Variants in DNAI4 observed in about 807,000 individuals in gnomAD.
DNAI4 encodes WD repeat domain 78.
In DNAI4, 85 loss-of-function variants were observed where a neutral mutation model predicts 105.8. That is an observed-to-expected ratio of 0.80 (90% CI 0.67 to 0.96). The LOEUF (loss-of-function observed/expected upper bound fraction) is 0.96. Ranked by LOEUF, DNAI4 falls within the 40% of genes least tolerant of loss-of-function variation. DNAI4 has a pLI of 0.00. For synonymous variants in DNAI4, 352 were observed against 331.5 expected, an observed-to-expected ratio of 1.06 and a Z score of -0.67; for missense variants, 1,014 against 1,005.6, an observed-to-expected ratio of 1.01 and a Z score of -0.11.
intron 8 of DNAI4, among the ~76,000 whole-genome samples, chr1:66,841,363 A>G (rs77982810): frequency 0.022 from 3,279 of 152,212 alleles, 104 homozygotes; most frequent in African/African-American, 0.075. Context: ...CATTGCTGGA[A>G]AAAAAAGCAT....
intron 8 of DNAI4, among the ~76,000 whole-genome samples, chr1:66,845,628 G>A (rs1418105318): frequency 6.6e-6 from 1 of 151,984 alleles, no homozygotes. Context: ...GTGTGTGAAT[G>A]GACAAACAAA....
At chr1:66,855,842 T>C (rs1569581457) in intron 7 of DNAI4, among the ~76,000 whole-genome samples, 1 of 152,080 alleles carries the variant, frequency 6.6e-6, no homozygotes, top group Non-Finnish European at 1.5e-5. Flanking sequence ...CAGTTGTTGT[T>C]GTTGTTTTGA....
chr1:66,914,427 C>T (rs1191345631), intron 1 of DNAI4, among the ~76,000 whole-genome samples: 1 of 152,112 alleles, frequency 6.6e-6, no homozygotes, highest in African/African-American at 2.4e-5. Flanking sequence ...TTGTATTTAT[C>T]TCGTGGCTAA....
intron 1 of DNAI4, among the ~76,000 whole-genome samples, chr1:66,919,547 T>C (rs1436145417): frequency 6.6e-6 from 1 of 152,180 alleles, no homozygotes. Context: ...ATTCTGGGGA[T>C]CCCATGGGGG....
chr1:66,924,761 A>G lies in DNAI4; in HGVS notation c.71T>C (p.Phe24Ser). Residue 24 changes from phenylalanine to serine, a missense_variant, in exon 1 of 17, where the codon TTC becomes TCC. Physicochemically the swap from Phe to Ser is radical, Grantham distance 155 (BLOSUM62 -2). Transcript: ENST00000371026. The part of the protein sequence containing the change: ...ANGGAWGYRD[F>S]RGGQKKGWCT... ...CCACCCCTTTTTTTGGCCGCCTCTGAAGTCCCTGTACCCCCAAGCTCCTCC... is the reference window on the plus strand; with the variant it reads ...CCACCCCTTTTTTTGGCCGCCTCTGGAGTCCCTGTACCCCCAAGCTCCTCC... 6.2e-7 allele frequency: 1 copy of G among 1,614,138 alleles called. No homozygotes were observed. Among genetic ancestry groups the G allele is most frequent in the Non-Finnish European group, 8.5e-7 (1 of 1,180,010 alleles).
chr1:66,902,279 T>C (rs751491178), intron 2 of DNAI4, among the ~76,000 whole-genome samples: 10 of 152,192 alleles, frequency 6.6e-5, no homozygotes, highest in Non-Finnish European at 1.5e-4. Flanking sequence ...AGTGGTGTCT[T>C]ACTGTGATTT....
chr1:66,850,279 G>C (rs1646369921), intron 7 of DNAI4, among the ~76,000 whole-genome samples: 1 of 152,054 alleles, frequency 6.6e-6, no homozygotes, highest in Non-Finnish European at 1.5e-5. Context: ...CATTCTCTGG[G>C]TTCTGAGTGG....
At chr1:66,913,633 G>C (rs183568570) in intron 1 of DNAI4, among the ~76,000 whole-genome samples, 73 of 152,262 alleles carry the variant, frequency 4.8e-4, no homozygotes, top group African/African-American at 1.6e-3. Flanking sequence ...TAATGACCCA[G>C]CATTTTGAGC....
intron 5 of DNAI4, among the ~76,000 whole-genome samples, chr1:66,873,629 T>G (rs573275136): frequency 1.6e-4 from 24 of 152,246 alleles, no homozygotes; most frequent in African/African-American, 5.5e-4. Context: ...CAGTAGGGAG[T>G]TGACTCTACT....
At chr1:66,816,000 A>C (rs1645507301) in intron 16 of DNAI4, among the ~76,000 whole-genome samples, 1 of 152,104 alleles carries the variant, frequency 6.6e-6, no homozygotes, top group South Asian at 2.1e-4. Context: ...GAGTTTCAGA[A>C]ATCATGTCAC....
chr1:66,841,733 C>A (rs894686865), intron 8 of DNAI4, among the ~76,000 whole-genome samples: 1 of 152,096 alleles, frequency 6.6e-6, no homozygotes, highest in Non-Finnish European at 1.5e-5. Flanking sequence ...TGGTGGGTAT[C>A]AACATCCCTC....
intron 6 of DNAI4, chr1:66,870,748 CAAAAAAAAAAAAAAAAAA>C (rs1184105731): frequency 6.0e-5 from 1 of 16,610 alleles, no homozygotes; most frequent in Admixed American, 1.3e-3. Flanking sequence ...GACTCTGACG[CAAAAAAAAAAAAAAAAAA>C]AAAAAAAAAA....
At chr1:66,836,908 T>C (rs972676078) in intron 10 of DNAI4, among the ~76,000 whole-genome samples, 1 of 152,220 alleles carries the variant, frequency 6.6e-6, no homozygotes, top group African/African-American at 2.4e-5. Flanking sequence ...ACAGATTGAC[T>C]AGGGCTCTTT....
chr1:66,838,605 T>G (rs1364514056), intron 9 of DNAI4, among the ~76,000 whole-genome samples: 1 of 152,236 alleles, frequency 6.6e-6, no homozygotes, highest in African/African-American at 2.4e-5. Context: ...ACTGAACAAA[T>G]CCAGCCTCTG....
At chr1:66,919,466 A>AAGCC (rs1350471736) in intron 1 of DNAI4, among the ~76,000 whole-genome samples, 2 of 152,238 alleles carry the variant, frequency 1.3e-5, no homozygotes, top group Non-Finnish European at 2.9e-5. Context: ...AATGCCACTG[A>AAGCC]AGCCAGCAAC....
intron 7 of DNAI4, among the ~76,000 whole-genome samples, chr1:66,859,470 A>G (rs555125466): frequency 9.5e-4 from 145 of 152,288 alleles, no homozygotes; most frequent in Middle Eastern, 6.8e-3. Context: ...TGAGTTGAAA[A>G]CTTATGTCCA....
chr1:66,845,860 G>A (rs1320576946), intron 8 of DNAI4, among the ~76,000 whole-genome samples: 7 of 151,850 alleles, frequency 4.6e-5, no homozygotes, highest in African/African-American at 1.7e-4. Flanking sequence ...GTGTGTGGTG[G>A]GGGTTGGGGG....
intron 6 of DNAI4, among the ~76,000 whole-genome samples, chr1:66,870,033 T>C (rs1208086365): frequency 6.6e-6 from 1 of 152,188 alleles, no homozygotes; most frequent in African/African-American, 2.4e-5. Context: ...ACCAATAAGA[T>C]GTATGTATGT....
At chr1:66,874,014 T>C (rs1646909517) in intron 5 of DNAI4, among the ~76,000 whole-genome samples, 1 of 151,954 alleles carries the variant, frequency 6.6e-6, no homozygotes, top group Non-Finnish European at 1.5e-5. Context: ...AAAATTATTT[T>C]AGTGATGGAG....
Sources: gnomAD v4.1 joint callset for allele counts (sites outside exome capture counted in the v4.1 genomes callset) on GRCh38, gnomAD v4.1.1 for gene constraint, MANE v1.5 for transcripts, NCBI Gene and HGNC (gene_info 2026-07-23, HGNC 2026-07-21) for gene names.